The following BLTP1 variants were observed in gnomAD, a reference collection of about 807,000 sequenced individuals.
The protein encoded by BLTP1 is bridge-like lipid transfer protein family member 1, also known as fragile site-associated protein.
At chr4:122,316,324 T>A in the BLTP1 span, 3 of 437,590 alleles carry the variant, frequency 6.9e-6, no homozygotes, top group African/African-American at 2.1e-5. Context: ...TTTTTTAAAT[T>A]TAATATTACT....
chr4:122,282,548 A>G, the BLTP1 span, among the ~76,000 whole-genome samples: 1 of 152,158 alleles, frequency 6.6e-6, no homozygotes, highest in Non-Finnish European at 1.5e-5. Context: ...AAGCTGAGGC[A>G]GGAGAATCGC....
the BLTP1 span, chr4:122,328,450 A>G: frequency 4.5e-4 from 524 of 1,160,956 alleles, 6 homozygotes; most frequent in Non-Finnish European, 1.0e-4. Flanking sequence ...TACAAAAAAC[A>G]TTTTTAATGT....
chr4:122,266,480 T>C, the BLTP1 span, among the ~76,000 whole-genome samples: 1 of 152,152 alleles, frequency 6.6e-6, no homozygotes, highest in Non-Finnish European at 1.5e-5. Context: ...AGAGGTAGAA[T>C]GATTTAACTA....
the BLTP1 span, chr4:122,244,081 G>A: frequency 6.7e-7 from 1 of 1,490,964 alleles, no homozygotes; most frequent in Non-Finnish European, 8.9e-7. Context: ...ATTACTCTGT[G>A]ATATGATAAG....
chr4:122,344,396 G>A, the BLTP1 span: 1 of 1,613,766 alleles, frequency 6.2e-7, no homozygotes, highest in Non-Finnish European at 8.5e-7. Flanking sequence ...TGTGGATGAG[G>A]AGCCCACTTC....
the BLTP1 span, chr4:122,181,212 A>G: frequency 1.2e-6 from 1 of 840,062 alleles, no homozygotes; most frequent in Non-Finnish European, 1.4e-6. Context: ...ATTTACAAAC[A>G]TTCTATGATA....
chr4:122,207,646 T>G, the BLTP1 span: 1 of 1,551,312 alleles, frequency 6.4e-7, no homozygotes, highest in East Asian at 2.3e-5. Flanking sequence ...AGAGTATGTA[T>G]AGTTGAATGC....
chr4:122,177,107 A>G, the BLTP1 span, among the ~76,000 whole-genome samples: 1 of 152,326 alleles, frequency 6.6e-6, no homozygotes, highest in East Asian at 1.9e-4. Context: ...TTTATGTGTA[A>G]CAGGTTTCTT....
chr4:122,254,905 A>C, the BLTP1 span: 1 of 1,613,848 alleles, frequency 6.2e-7, no homozygotes, highest in Non-Finnish European at 8.5e-7. Context: ...AACTGAGGGA[A>C]CCTTGAGAAT....
At chr4:122,356,404 T>C in the BLTP1 span, among the ~76,000 whole-genome samples, 1 of 152,096 alleles carries the variant, frequency 6.6e-6, no homozygotes, top group Admixed American at 6.6e-5. Flanking sequence ...AATCCAAAAT[T>C]TGAAAGACAT....
the BLTP1 span, chr4:122,211,121 T>A: frequency 6.4e-7 from 1 of 1,563,266 alleles, no homozygotes; most frequent in Non-Finnish European, 8.7e-7. Context: ...ACAACTTACA[T>A]ACTTTTAAAT....
chr4:122,196,419 G>T, the BLTP1 span, among the ~76,000 whole-genome samples: 2 of 152,086 alleles, frequency 1.3e-5, no homozygotes, highest in African/African-American at 4.8e-5. Context: ...ATCTTGAATA[G>T]TGCAAATTTT....
chr4:122,194,724 A>G, the BLTP1 span: 3 of 823,006 alleles, frequency 3.6e-6, no homozygotes, highest in Non-Finnish European at 4.4e-6. Context: ...ATTTAATTTC[A>G]TTATGTATTT....
the BLTP1 span, chr4:122,226,928 GC>G: frequency 2.2e-6 from 2 of 906,424 alleles, no homozygotes; most frequent in Admixed American, 7.1e-5. Flanking sequence ...AATACACATA[GC>G]CATGCAGCAA....
the BLTP1 span, chr4:122,267,592 T>C: frequency 5.4e-5 from 52 of 965,516 alleles, 1 homozygote; most frequent in South Asian, 2.3e-3. Flanking sequence ...TTAAGGGTTC[T>C]GGGTTGACGT....
At chr4:122,286,229 A>G in the BLTP1 span, 1 of 168,986 alleles carries the variant, frequency 5.9e-6, no homozygotes, top group African/African-American at 2.4e-5. Context: ...TGCTTCTGTA[A>G]TAAGGGCACT....
chr4:122,323,880 A>T, the BLTP1 span, among the ~76,000 whole-genome samples: 1 of 152,144 alleles, frequency 6.6e-6, no homozygotes, highest in South Asian at 2.1e-4. Flanking sequence ...AATTCCCATT[A>T]TCCATCTTAG....
chr4:122,277,920 G>T, the BLTP1 span, among the ~76,000 whole-genome samples: 1 of 152,092 alleles, frequency 6.6e-6, no homozygotes, highest in South Asian at 2.1e-4. Context: ...GGAATGTTGT[G>T]TGTCTGTGTA....
At chr4:122,214,592 T>C in the BLTP1 span, 1 of 702,704 alleles carries the variant, frequency 1.4e-6, no homozygotes, top group East Asian at 1.3e-4. Flanking sequence ...TTTTGGTAAC[T>C]ATTTTTTTTT....
Sources: gnomAD v4.1 joint callset for allele counts (sites outside exome capture counted in the v4.1 genomes callset) on GRCh38, gnomAD v4.1.1 for gene constraint, MANE v1.5 for transcripts, NCBI Gene and HGNC (gene_info 2026-07-23, HGNC 2026-07-21) for gene names.